The following TRHDE variants were observed in gnomAD, a reference collection of about 807,000 sequenced individuals.
The protein encoded by TRHDE is thyrotropin-releasing hormone-degrading ectoenzyme.
A neutral mutation model predicts 125.7 loss-of-function variants in TRHDE; 72 were observed. That is an observed-to-expected ratio of 0.57 (90% CI 0.47 to 0.70). The LOEUF (loss-of-function observed/expected upper bound fraction) is 0.70, where lower values mean the gene tolerates loss of function less well. Ranked by LOEUF, TRHDE falls within the 30% of genes least tolerant of loss-of-function variation. TRHDE has a pLI of 0.00. For missense variants in TRHDE, 1,110 were observed against 1,327.1 expected, an observed-to-expected ratio of 0.84 and a Z score of 2.54; for synonymous variants, 509 against 509.1, an observed-to-expected ratio of 1.00 and a Z score of 0.00.
At chr12:72,350,951 G>T (rs1356011759) in intron 2 of TRHDE, among the ~76,000 whole-genome samples, 1 of 151,930 alleles carries the variant, frequency 6.6e-6, no homozygotes, top group Non-Finnish European at 1.5e-5. Context: ...ACCTAGCCAG[G>T]TAGAACTAGC....
intron 7 of TRHDE, among the ~76,000 whole-genome samples, chr12:72,543,634 A>G (rs1276157647): frequency 6.6e-6 from 1 of 151,362 alleles, no homozygotes; most frequent in East Asian, 1.9e-4. Context: ...CTAACTGTTC[A>G]TAAGGGCAAC....
At chr12:72,605,441 A>G (rs1269442655) in intron 12 of TRHDE, among the ~76,000 whole-genome samples, 1 of 152,106 alleles carries the variant, frequency 6.6e-6, no homozygotes, top group Non-Finnish European at 1.5e-5. Context: ...GAGGGAGAGC[A>G]AAGTACCAAA....
intron 2 of TRHDE, among the ~76,000 whole-genome samples, chr12:72,296,533 C>G (rs1274281259): frequency 6.6e-6 from 1 of 151,810 alleles, no homozygotes; most frequent in Non-Finnish European, 1.5e-5. Flanking sequence ...TTAGTAATAG[C>G]TGAGTCATAG....
chr12:72,275,735 C>T (rs1267807809), intron 1 of TRHDE, among the ~76,000 whole-genome samples: 3 of 152,144 alleles, frequency 2.0e-5, no homozygotes, highest in Non-Finnish European at 2.9e-5. Context: ...CTTAAAAAGA[C>T]CAGATGTTTC....
At chr12:72,465,613 A>G (rs1199260939) in intron 3 of TRHDE, among the ~76,000 whole-genome samples, 1 of 152,084 alleles carries the variant, frequency 6.6e-6, no homozygotes, top group Non-Finnish European at 1.5e-5. Context: ...TTATTCACCT[A>G]TTGATGGACA....
At chr12:72,419,047 A>C (rs1248939148) in intron 3 of TRHDE, among the ~76,000 whole-genome samples, 1 of 152,166 alleles carries the variant, frequency 6.6e-6, no homozygotes, top group Non-Finnish European at 1.5e-5. Flanking sequence ...AGAGATATTA[A>C]ATTATAAAGG....
chr12:72,152,931 C>T (rs1876405345), intron 2 of TRHDE, among the ~76,000 whole-genome samples: 1 of 152,134 alleles, frequency 6.6e-6, no homozygotes, highest in African/African-American at 2.4e-5. Context: ...AGGGAGGATT[C>T]CCTCTTTTTC....
intron 2 of TRHDE, among the ~76,000 whole-genome samples, chr12:72,299,161 G>A (rs750478243): frequency 2.0e-5 from 3 of 152,156 alleles, no homozygotes; most frequent in Admixed American, 1.3e-4. Context: ...AATATTTCTA[G>A]GGATGAGACT....
intron 7 of TRHDE, among the ~76,000 whole-genome samples, chr12:72,557,681 T>TGGAC (rs1288125147): frequency 1.2e-4 from 18 of 152,292 alleles, no homozygotes; most frequent in African/African-American, 4.3e-4. Flanking sequence ...CTGTTGGCTT[T>TGGAC]TACACATGAC....
At chr12:72,595,055 T>C (rs1200719354) in intron 12 of TRHDE, among the ~76,000 whole-genome samples, 1 of 137,616 alleles carries the variant, frequency 7.3e-6, no homozygotes, top group Non-Finnish European at 1.5e-5. Flanking sequence ...TAGGTGGGAA[T>C]TGAACAATGA....
chr12:72,199,449 G>A (rs1334789172), intron 2 of TRHDE, among the ~76,000 whole-genome samples: 1 of 152,126 alleles, frequency 6.6e-6, no homozygotes, highest in Non-Finnish European at 1.5e-5. Context: ...AGAGCCTGTT[G>A]GGCTGGTGAA....
intron 2 of TRHDE, among the ~76,000 whole-genome samples, chr12:72,199,021 C>T (rs1471938781): frequency 6.6e-6 from 1 of 152,114 alleles, no homozygotes; most frequent in Non-Finnish European, 1.5e-5. Flanking sequence ...CGTGAGAACA[C>T]ACTCACTATC....
At chr12:72,549,712 A>C (rs1204193705) in intron 7 of TRHDE, among the ~76,000 whole-genome samples, 4 of 151,874 alleles carry the variant, frequency 2.6e-5, no homozygotes, top group Non-Finnish European at 5.9e-5. Context: ...AGAGAAAGAA[A>C]TATTTAAGTT....
intron 2 of TRHDE, among the ~76,000 whole-genome samples, chr12:72,172,211 C>T (rs1241450114): frequency 7.9e-5 from 12 of 152,020 alleles, no homozygotes; most frequent in South Asian, 2.1e-4. Context: ...ACAAACGGGA[C>T]GGAATATATG....
chr12:72,140,466 C>A (rs1171424777), intron 2 of TRHDE: 1 of 151,826 alleles, frequency 6.6e-6, no homozygotes, highest in Non-Finnish European at 1.5e-5. Context: ...CTTATATCTC[C>A]CTAAAATGTA....
chr12:72,132,773 A>G (rs183289405), intron 2 of TRHDE, among the ~76,000 whole-genome samples: 7 of 152,338 alleles, frequency 4.6e-5, no homozygotes, highest in Admixed American at 3.9e-4. Flanking sequence ...AGACATGAAC[A>G]CAGAGAATTA....
At chr12:72,174,975 C>A (rs896985905) in intron 2 of TRHDE, among the ~76,000 whole-genome samples, 1 of 152,134 alleles carries the variant, frequency 6.6e-6, no homozygotes, top group African/African-American at 2.4e-5. Context: ...TTATGCTTTT[C>A]AAAAAATTTT....
At chr12:72,269,503 C>T (rs549219725), upstream of TRHDE, among the ~76,000 whole-genome samples, 8 of 152,166 alleles carry the variant, frequency 5.3e-5, no homozygotes, top group Admixed American at 5.2e-4. Context: ...TTGAGACTTT[C>T]CTTGTAGTAA....
chr12:72,652,916 T>G, intron 16 of TRHDE, 100 bp from the exon 17 acceptor site: 1 of 966,586 alleles, frequency 1.0e-6, no homozygotes, highest in Middle Eastern at 3.1e-4. Context: ...TAGACTATTC[T>G]TTTGAAGAAT....
Sources: gnomAD v4.1 joint callset for allele counts (sites outside exome capture counted in the v4.1 genomes callset) on GRCh38, gnomAD v4.1.1 for gene constraint, MANE v1.5 for transcripts, NCBI Gene and HGNC (gene_info 2026-07-23, HGNC 2026-07-21) for gene names.